Variants in HOOK1 observed in about 807,000 individuals in gnomAD.
HOOK1 encodes hook microtubule tethering protein 1.
HOOK1 carries 60 observed loss-of-function variants against 112.8 expected under a neutral mutation model. The ratio of observed to expected loss-of-function variants is 0.53; its 90% confidence interval spans 0.43 to 0.66. The LOEUF (loss-of-function observed/expected upper bound fraction) is 0.66, where lower values mean the gene tolerates loss of function less well. Among genes scored for constraint, HOOK1 ranks in the 30% least tolerant of loss-of-function variants. The pLI is 0.00. For synonymous variants in HOOK1, 294 were observed against 283.8 expected (o/e 1.04, Z -0.36); for missense variants, 770 against 856.0 (o/e 0.90, Z 1.25).
intron 6 of HOOK1, among the ~76,000 whole-genome samples, chr1:59,836,589 A>G (rs1056649098): frequency 2.6e-5 from 4 of 152,200 alleles, no homozygotes; most frequent in Non-Finnish European, 5.9e-5. Flanking sequence ...TATCAGTAAT[A>G]TGTCTTTTAG....
At chr1:59,854,998 G>A (rs753968158) in intron 12 of HOOK1, among the ~76,000 whole-genome samples, 11 of 152,312 alleles carry the variant, frequency 7.2e-5, no homozygotes, top group South Asian at 2.1e-4. Flanking sequence ...CCTAATGGAC[G>A]ACAACAAGCA....
At chr1:59,860,494 G>C (rs1188568834) in intron 15 of HOOK1, among the ~76,000 whole-genome samples, 166 bp downstream of exon 15, 1 of 152,134 alleles carries the variant, frequency 6.6e-6, no homozygotes, top group Admixed American at 6.6e-5. Flanking sequence ...GCTTCTCTCT[G>C]TGAAAGAAGT....
intron 2 of HOOK1, among the ~76,000 whole-genome samples, chr1:59,822,600 T>A (rs756456023): frequency 6.6e-6 from 1 of 152,176 alleles, no homozygotes; most frequent in Non-Finnish European, 1.5e-5. Context: ...AGGGTTACGG[T>A]CTGTAATATG....
At chr1:59,826,663 T>A (rs183696829) in intron 2 of HOOK1, among the ~76,000 whole-genome samples, 17 of 152,306 alleles carry the variant, frequency 1.1e-4, no homozygotes, top group African/African-American at 3.6e-4. Context: ...GTTAGAAGAC[T>A]GGGGTGGTAG....
intron 11 of HOOK1, 48 bp from the exon 12 acceptor site, chr1:59,849,025 C>A: frequency 2.8e-6 from 3 of 1,075,590 alleles, no homozygotes; most frequent in Non-Finnish European, 4.1e-6. Context: ...GAGATTTATA[C>A]ACTTATATAC....
chr1:59,866,038 G>T, intron 19 of HOOK1, 66 bp downstream of exon 19: 2 of 824,878 alleles, frequency 2.4e-6, no homozygotes, highest in South Asian at 3.0e-5. Context: ...TCATTTCACT[G>T]GATTTTTCTG....
Position 59,855,958 on chromosome 1 carries a change from ATAAATTAT to A in HOOK1, c.1243-2467_1243-2460del, listed in dbSNP as rs1277165093. Among the ~76,000 whole-genome samples the A allele has an allele frequency of 3.5e-3, 351 of 101,260 alleles. 4 individuals are homozygous for A. The highest frequency in any genetic ancestry group is 8.7e-3 in the African/African-American group (197 of 22,632). 66.4% of individuals were successfully genotyped at this position (101,260 alleles called of 152,430 possible). On this transcript the variant is annotated intron_variant, in intron 12 of 21. Transcript: ENST00000371208. ...CCAGCTAATTTATATATATATATAT[ATAAATTAT>A]TATATATATATATATATATTTTTTT...
chr1:59,839,552 T>C (rs1193133689), intron 7 of HOOK1, among the ~76,000 whole-genome samples: 1 of 152,238 alleles, frequency 6.6e-6, no homozygotes. Context: ...ATCCTGAGAC[T>C]TTGCTGAAGT....
At chr1:59,815,209 G>A in intron 1 of HOOK1, 29 bp downstream of exon 1, 1 of 1,537,486 alleles carries the variant, frequency 6.5e-7, no homozygotes, top group Non-Finnish European at 8.7e-7. Flanking sequence ...GAGGGCGAGG[G>A]GGCCAGGGGG....
rs753214682 is a variant in HOOK1 at position 59,828,834 on chromosome 1, G to C, written c.204G>C (p.Gly68=). 1.9e-6 allele frequency: 3 copies of C among 1,612,666 alleles called. No individual in the cohort carries two copies. The highest frequency in any genetic ancestry group is 1.7e-4 in the Middle Eastern group (1 of 6,058). ...SWLSRIKEDV[G]DNWRIKASNV... ...TAAGCCGAATTAAAGAGGATGTTGG[G>C]GACAACTGGAGAATAAAGGTATGCA... Residue 68 remains glycine, a synonymous_variant, in exon 3 of 22, where the codon GGG becomes GGC. Transcript: ENST00000371208.
At chr1:59,835,597 A>T (rs2098397037) in intron 6 of HOOK1, among the ~76,000 whole-genome samples, 185 bp downstream of exon 6, 1 of 152,092 alleles carries the variant, frequency 6.6e-6, no homozygotes. Flanking sequence ...CAATTTTAGT[A>T]CCTCTGCATT....
chr1:59,837,304 A>G (rs917932465), intron 7 of HOOK1, among the ~76,000 whole-genome samples: 5 of 152,186 alleles, frequency 3.3e-5, no homozygotes, highest in Admixed American at 1.3e-4. Flanking sequence ...AATAGCTCAA[A>G]GGCCCTGTAC....
intron 2 of HOOK1, among the ~76,000 whole-genome samples, chr1:59,825,934 A>C (rs150893974): frequency 6.6e-6 from 1 of 152,216 alleles, no homozygotes; most frequent in Non-Finnish European, 1.5e-5. Context: ...ACATACTTAC[A>C]TGAACATCTA....
In HOOK1 at chr1:59,872,970, CA is replaced by C. The variant is rs199585354; in HGVS notation, c.*13del. Reference sequence around the variant, plus strand: ...CCTGCTACAACATCTGATTAAACTGCAAAAAAAACAAAACAAAACAAAAAAA... The same window carrying C: ...CCTGCTACAACATCTGATTAAACTGCAAAAAAACAAAACAAAACAAAAAAA... On this transcript the variant is annotated 3_prime_UTR_variant, in exon 22 of 22. Transcript: ENST00000371208. 83 of 1,433,258 alleles carry C rather than the reference CA, an allele frequency of 5.8e-5. No individual in the cohort carries two copies. The highest frequency in any genetic ancestry group is 2.3e-4 in the South Asian group (15 of 66,178). The allele number at this position is 1,433,258 out of a possible 1,614,324, so 88.8% of individuals were successfully genotyped here. A position where few individuals can be genotyped will look rare whatever the true frequency, so the allele number is the denominator to read the frequency against.
Position 59,830,431 on chromosome 1 carries a change from T to A in HOOK1, c.222+1579T>A, listed in dbSNP as rs555582314. Among the ~76,000 whole-genome samples, 61 of 152,310 alleles carry A rather than the reference T, an allele frequency of 4.0e-4. 1 individual carries two copies. Among genetic ancestry groups the A allele is most frequent in the African/African-American group, 1.3e-3 (56 of 41,600 alleles). On this transcript the variant is annotated intron_variant, in intron 3 of 21. Transcript: ENST00000371208. ...GTGTGTTCTTGAATGAATTCACTTA[T>A]TATGAAATGCTTTTCTTTATCCCTG...
At chr1:59,831,125 T>C (rs2098393678) in intron 3 of HOOK1, among the ~76,000 whole-genome samples, 1 of 152,076 alleles carries the variant, frequency 6.6e-6, no homozygotes, top group Non-Finnish European at 1.5e-5. Context: ...GGTCTTGAAC[T>C]CCTGACCTCA....
At position 59,833,494 on chromosome 1, in the gene HOOK1, C is replaced by T; in HGVS notation, c.363C>T (p.Leu121=). ...CSDPVELGRL[L]QLILGCAINC... ...ATCCAGTGGAGCTTGGGAGGTTGCTCCAGCTTATTTTAGGTTGTGCGATCA... is the reference window on the plus strand; with the variant it reads ...ATCCAGTGGAGCTTGGGAGGTTGCTTCAGCTTATTTTAGGTTGTGCGATCA... The change falls in exon 5 of 22, where the codon CTC becomes CTT. Residue 121 remains leucine (L), a synonymous_variant. Transcript: ENST00000371208. 6.3e-7 allele frequency: 1 copy of T among 1,590,350 alleles called. No homozygotes were observed. Among genetic ancestry groups the T allele is most frequent in the South Asian group, 1.1e-5 (1 of 87,936 alleles).
At chr1:59,831,846 G>A (rs140213304) in intron 3 of HOOK1, among the ~76,000 whole-genome samples, 3 of 152,220 alleles carry the variant, frequency 2.0e-5, no homozygotes, top group Non-Finnish European at 4.4e-5. Context: ...TTATTTTCTA[G>A]TTATTAGTGA....
rs1483932615 is a variant in HOOK1 at position 59,875,802 on chromosome 1, C to T, written c.*2837C>T. 4 of 152,038 alleles carry T rather than the reference C, an allele frequency of 2.6e-5. No individual in the cohort carries two copies. The highest frequency in any genetic ancestry group is 2.9e-5 in the Non-Finnish European group (2 of 67,992). The allele number at this position is 152,038 out of a possible 1,614,324, so 9.4% of individuals were successfully genotyped here. On this transcript the variant is annotated 3_prime_UTR_variant, in exon 22 of 22. Transcript: ENST00000371208. ...GAGGAAAATTTGAAGTTTATTTTTT[C>T]GATGAATAAGGCTGTCAAATGATTT...
Sources: allele counts gnomAD v4.1 joint callset (sites outside exome capture counted in the v4.1 genomes callset), GRCh38; gene constraint gnomAD v4.1.1; transcripts MANE v1.5; gene names NCBI Gene and HGNC (gene_info 2026-07-23, HGNC 2026-07-21).